Variants in GSN observed in about 807,000 individuals in gnomAD.
The protein encoded by GSN is actin-depolymerizing factor.
GSN carries 56 observed loss-of-function variants against 85.7 expected under a neutral mutation model. The ratio of observed to expected loss-of-function variants is 0.65; its 90% CI spans 0.53 to 0.82. The LOEUF is 0.82. Ranked by LOEUF, GSN falls within the 40% of genes least tolerant of loss-of-function variation. The pLI is 0.00. For synonymous variants in GSN, 373 were observed against 399.1 expected (o/e 0.93, Z 0.78); for missense variants, 857 against 979.8 (o/e 0.87, Z 1.67).
At chr9:121,224,893 A>G (rs1564341372) in intron 4 of GSN, among the ~76,000 whole-genome samples, 1 of 152,198 alleles carries the variant, frequency 6.6e-6, no homozygotes, top group South Asian at 2.1e-4. Flanking sequence ...ATCATGGCTC[A>G]CTGCAGCCTT....
rs748387609 is a variant in GSN, at chr9:121,317,092, A to T, written c.760A>T (p.Asn254Tyr). 1 of 1,614,058 alleles carries T rather than the reference A, an allele frequency of 6.2e-7. No homozygotes were observed. Among genetic ancestry groups the T allele is most frequent in the East Asian group, 2.2e-5 (1 of 44,890 alleles). The change falls in exon 8 of 18, where the codon AAT becomes TAT. Residue 254 changes from asparagine to tyrosine, a missense_variant. By Grantham distance (143) the Asn-to-Tyr change is moderately radical. Coordinates refer to ENST00000432226, the MANE Select transcript of GSN (RefSeq NM_198252.3). ...TTCTGCTTCGTCCCCTCAGGTCTCC[A>T]ATGGTGCAGGGACCATGTCCGTCTC... ...RKLAKLYKVS[N>Y]GAGTMSVSLV...
At chr9:121,303,131 C>A in intron 4 of GSN, 66 bp downstream of exon 4, 2 of 1,510,682 alleles carry the variant, frequency 1.3e-6, no homozygotes, top group Non-Finnish European at 1.8e-6. Context: ...CTCACTCAGG[C>A]CCATCTATCT....
At chr9:121,266,564 G>A (rs186833965), upstream of GSN, among the ~76,000 whole-genome samples, 1 of 152,328 alleles carries the variant, frequency 6.6e-6, no homozygotes, top group Admixed American at 6.5e-5. Context: ...AATTTCCCAA[G>A]CCAGGAAAGG....
chr9:121,210,830 C>T (rs1189050040), exon 4 of GSN: 4 of 152,204 alleles, frequency 2.6e-5, no homozygotes, highest in Admixed American at 1.3e-4. Flanking sequence ...CTGTGTAAAC[C>T]GCTTTACCTC....
chr9:121,321,521 GCTT>G, intron 11 of GSN, 120 bp downstream of exon 11: 1 of 912,450 alleles, frequency 1.1e-6, no homozygotes, highest in Non-Finnish European at 1.7e-6. Context: ...GCTGGGAGAG[GCTT>G]TTGTCCACAG....
chr9:121,282,862 G>A (rs945639627), intron 2 of GSN: 2 of 253,112 alleles, frequency 7.9e-6, no homozygotes, highest in Admixed American at 5.6e-5. Context: ...CCTGTCTTCC[G>A]CAGACCCTGC....
At chr9:121,227,531 A>G (rs968014375) in intron 4 of GSN, among the ~76,000 whole-genome samples, 1 of 152,186 alleles carries the variant, frequency 6.6e-6, no homozygotes, top group South Asian at 2.1e-4. Flanking sequence ...AGAAGTGTAG[A>G]TGATAACCTA....
At chr9:121,300,102 A>G (rs746918700) in intron 2 of GSN, 24 of 1,611,060 alleles carry the variant, frequency 1.5e-5, no homozygotes, top group Non-Finnish European at 2.0e-5. Flanking sequence ...TCAGGTCTAG[A>G]ATGGAAAAAC....
At chr9:121,310,980 AT>A in intron 5 of GSN, 135 bp downstream of exon 5, 1 of 763,596 alleles carries the variant, frequency 1.3e-6, no homozygotes, top group Non-Finnish European at 2.2e-6. Context: ...TCACGTACAG[AT>A]ATGTCTGTAT....
chr9:121,239,476 A>C, intron 5 of GSN: 1 of 337,214 alleles, frequency 3.0e-6, no homozygotes, highest in Non-Finnish European at 5.9e-6. Flanking sequence ...AGTGTAGTCT[A>C]CGTCTTTGGA....
intron 4 of GSN, among the ~76,000 whole-genome samples, chr9:121,213,497 T>C (rs1352470016): frequency 1.3e-5 from 2 of 152,230 alleles, no homozygotes; most frequent in East Asian, 3.8e-4. Context: ...TTTGGCAGCA[T>C]TGTTTCCTCA....
At position 121,225,269 on chromosome 9, in the gene GSN, A is replaced by AT. The variant is rs1300282208; in HGVS notation, c.-527-5889dup. Reference sequence around the variant, plus strand: ...TGTCTACATGACAAAACAAAAACAAATTTTTTTGTAAAAAGTAACTACAAA... The same window carrying AT: ...TGTCTACATGACAAAACAAAAACAAATTTTTTTTGTAAAAAGTAACTACAAA... On this transcript the variant is annotated intron_variant, in intron 4 of 24. Coordinates refer to the GSN transcript ENST00000373823. Among the ~76,000 whole-genome samples the AT allele has an allele frequency of 7.9e-5, 12 of 152,314 alleles. No individual in the cohort carries two copies. In the East Asian group the frequency reaches 1.9e-3, roughly 24 times the overall value.
At chr9:121,218,672 T>C (rs2054112862) in intron 4 of GSN, among the ~76,000 whole-genome samples, 1 of 152,106 alleles carries the variant, frequency 6.6e-6, no homozygotes, top group African/African-American at 2.4e-5. Flanking sequence ...ACATGTAAGC[T>C]AATTTGAAAA....
chr9:121,202,489 C>T, the GSN span, among the ~76,000 whole-genome samples: 18,039 of 152,172 alleles, frequency 0.12, 1,216 homozygotes, highest in East Asian at 0.17. Context: ...TCTATTTTGA[C>T]TTCACTTTGG....
chr9:121,290,555 A>G (rs1213306528), intron 2 of GSN, among the ~76,000 whole-genome samples: 1 of 152,236 alleles, frequency 6.6e-6, no homozygotes. Context: ...CTTTTAAAAA[A>G]TACAAGTTAT....
chr9:121,307,721 G>A (rs1045074739), intron 4 of GSN, among the ~76,000 whole-genome samples: 1 of 152,236 alleles, frequency 6.6e-6, no homozygotes, highest in Non-Finnish European at 1.5e-5. Flanking sequence ...GGCAGCCACT[G>A]TGCTTGTTTC....
intron 1 of GSN, among the ~76,000 whole-genome samples, chr9:121,208,403 A>G (rs1169700184): frequency 1.3e-5 from 2 of 152,196 alleles, no homozygotes; most frequent in East Asian, 3.8e-4. Context: ...GCTGCAAACA[A>G]GAGACTAAAG....
At chr9:121,227,304 G>C (rs1485692861) in intron 4 of GSN, among the ~76,000 whole-genome samples, 1 of 152,078 alleles carries the variant, frequency 6.6e-6, no homozygotes, top group South Asian at 2.1e-4. Flanking sequence ...TGAAACAGGA[G>C]GATTGCTTGA....
upstream of GSN, chr9:121,267,988 G>T (rs1338655234): frequency 1.3e-5 from 2 of 152,272 alleles, no homozygotes; most frequent in Non-Finnish European, 2.9e-5. Flanking sequence ...GCGAGGTGAA[G>T]CGAGGGGTCC....
Sources: gnomAD v4.1 joint callset for allele counts (sites outside exome capture counted in the v4.1 genomes callset) on GRCh38, gnomAD v4.1.1 for gene constraint, MANE v1.5 for transcripts, NCBI Gene and HGNC (gene_info 2026-07-23, HGNC 2026-07-21) for gene names.